The following KLF12 variants were observed in gnomAD, a reference collection of about 807,000 sequenced individuals.
KLF12 encodes KLF transcription factor 12, also known as Krueppel-like factor 12.
In KLF12, 9 loss-of-function variants were observed where a neutral mutation model predicts 37.8. That is an observed-to-expected ratio of 0.24 (90% CI 0.14 to 0.42). The LOEUF (loss-of-function observed/expected upper bound fraction) is 0.42, where lower values mean the gene tolerates loss of function less well. Among genes scored for constraint, KLF12 ranks in the 10% least tolerant of loss-of-function variants. The pLI, the probability that KLF12 is intolerant of heterozygous loss-of-function variation, is 1.00. For synonymous variants in KLF12, 208 were observed against 202.1 expected (o/e 1.03, Z -0.25); for missense variants, 411 against 516.0 (o/e 0.80, Z 1.97).
At chr13:73,975,491 C>T (rs1891488255) in intron 2 of KLF12, among the ~76,000 whole-genome samples, 3 of 152,172 alleles carry the variant, frequency 2.0e-5, no homozygotes, top group Non-Finnish European at 4.4e-5. Context: ...AGCTTAGGCA[C>T]AGCTAAAGAC....
intron 3 of KLF12, among the ~76,000 whole-genome samples, chr13:73,880,145 C>T (rs543971215): frequency 1.2e-4 from 18 of 152,272 alleles, no homozygotes; most frequent in African/African-American, 3.9e-4. Flanking sequence ...CACAAAGACC[C>T]CTCCTCTCTG....
the KLF12 span, among the ~76,000 whole-genome samples, chr13:74,265,592 T>C: frequency 6.6e-6 from 1 of 152,174 alleles, no homozygotes; most frequent in Non-Finnish European, 1.5e-5. Flanking sequence ...TATAGAAGAA[T>C]GGCACTGTGG....
chr13:73,895,241 A>G (rs1887706466), intron 3 of KLF12, among the ~76,000 whole-genome samples: 1 of 152,214 alleles, frequency 6.6e-6, no homozygotes. Context: ...GTTATTGTCT[A>G]ACTTCTGAGT....
At chr13:74,177,400 C>A in the KLF12 span, among the ~76,000 whole-genome samples, 3 of 152,048 alleles carry the variant, frequency 2.0e-5, no homozygotes, top group Non-Finnish European at 2.9e-5. Context: ...GCCAGCCCTG[C>A]GTAAAGCACT....
the KLF12 span, among the ~76,000 whole-genome samples, chr13:74,166,924 G>T: frequency 4.6e-5 from 7 of 152,090 alleles, no homozygotes; most frequent in Non-Finnish European, 8.8e-5. Context: ...CGCACACTTT[G>T]GTTTTCTCTG....
At chr13:74,163,458 C>G in the KLF12 span, among the ~76,000 whole-genome samples, 13 of 152,080 alleles carry the variant, frequency 8.5e-5, no homozygotes, top group Admixed American at 5.9e-4. Flanking sequence ...AGATCATTAC[C>G]TTAAGTGAAA....
At chr13:74,247,513 T>C in the KLF12 span, among the ~76,000 whole-genome samples, 1 of 152,372 alleles carries the variant, frequency 6.6e-6, no homozygotes, top group African/African-American at 2.4e-5. Context: ...CCTACCTGAT[T>C]TTCTTATCTC....
intron 3 of KLF12, among the ~76,000 whole-genome samples, chr13:73,870,541 G>A (rs1886411690): frequency 6.6e-6 from 1 of 152,190 alleles, no homozygotes; most frequent in Admixed American, 6.5e-5. Flanking sequence ...AGACGGATGT[G>A]CATGTGTGTG....
the KLF12 span, among the ~76,000 whole-genome samples, chr13:74,238,872 T>A: frequency 6.6e-6 from 1 of 152,038 alleles, no homozygotes; most frequent in Non-Finnish European, 1.5e-5. Context: ...TCAATTTTGT[T>A]GATCCTTTCA....
the KLF12 span, among the ~76,000 whole-genome samples, chr13:74,217,734 C>T: frequency 3.3e-5 from 5 of 151,994 alleles, no homozygotes. Flanking sequence ...CTCAAAAAAA[C>T]AAAACAAACA....
chr13:74,077,167 A>G (rs1181676813), intron 1 of KLF12, among the ~76,000 whole-genome samples: 1 of 152,190 alleles, frequency 6.6e-6, no homozygotes, highest in Non-Finnish European at 1.5e-5. Context: ...TATAACCAGT[A>G]ATCAGATTGC....
At chr13:74,242,100 A>G in the KLF12 span, among the ~76,000 whole-genome samples, 2 of 152,174 alleles carry the variant, frequency 1.3e-5, no homozygotes, top group Non-Finnish European at 2.9e-5. Flanking sequence ...CAAACATAAA[A>G]TGTTTGTTAA....
intron 3 of KLF12, among the ~76,000 whole-genome samples, chr13:73,902,107 C>A (rs1888068086): frequency 1.3e-5 from 2 of 152,048 alleles, no homozygotes; most frequent in South Asian, 2.1e-4. Flanking sequence ...TCTTAACATG[C>A]ATAAAGATAA....
chr13:74,024,508 C>G (rs950957347), intron 1 of KLF12, among the ~76,000 whole-genome samples: 4 of 152,156 alleles, frequency 2.6e-5, no homozygotes, highest in African/African-American at 7.2e-5. Flanking sequence ...CAGCAATCAG[C>G]TGGACCACTG....
At chr13:74,232,768 G>A in the KLF12 span, among the ~76,000 whole-genome samples, 109 of 152,196 alleles carry the variant, frequency 7.2e-4, no homozygotes, top group African/African-American at 2.4e-3. Context: ...GTGGTCCCAC[G>A]TAGGTCAACA....
chr13:73,983,102 G>T (rs1593805207), intron 2 of KLF12, among the ~76,000 whole-genome samples: 1 of 152,126 alleles, frequency 6.6e-6, no homozygotes, highest in East Asian at 1.9e-4. Context: ...TCCAGTATGA[G>T]GCTCGCACCC....
At chr13:74,102,634 G>T (rs1317381937) in intron 1 of KLF12, among the ~76,000 whole-genome samples, 1 of 151,880 alleles carries the variant, frequency 6.6e-6, no homozygotes, top group Non-Finnish European at 1.5e-5. Context: ...GAGGTGGGGG[G>T]TTGCAGTGAG....
At chr13:74,168,651 C>G in the KLF12 span, among the ~76,000 whole-genome samples, 1 of 152,106 alleles carries the variant, frequency 6.6e-6, no homozygotes, top group Non-Finnish European at 1.5e-5. Context: ...CTATCGCTGG[C>G]AATTTAAAAT....
intron 3 of KLF12, among the ~76,000 whole-genome samples, chr13:73,876,801 G>A (rs1031881442): frequency 2.6e-5 from 4 of 152,012 alleles, no homozygotes; most frequent in East Asian, 1.9e-4. Flanking sequence ...GATCATCTGG[G>A]GTCAGGAGTT....
Sources: allele counts gnomAD v4.1 joint callset (sites outside exome capture counted in the v4.1 genomes callset), GRCh38; gene constraint gnomAD v4.1.1; transcripts MANE v1.5; gene names NCBI Gene and HGNC (gene_info 2026-07-23, HGNC 2026-07-21).